The following DYNC1I1 variants were observed in gnomAD, a reference collection of about 807,000 sequenced individuals.
DYNC1I1 encodes cytoplasmic dynein 1 intermediate chain 1.
Under a neutral mutation model 86.6 loss-of-function variants are expected in DYNC1I1, and 43 were observed. That is an observed-to-expected ratio of 0.50 (90% CI 0.39 to 0.64). The LOEUF is 0.64. Among genes scored for constraint, DYNC1I1 ranks in the 30% least tolerant of loss-of-function variants. The pLI is 0.00. For synonymous variants in DYNC1I1, 262 were observed against 283.7 expected, an observed-to-expected ratio of 0.92 and a Z score of 0.77; for missense variants, 604 against 788.8, an observed-to-expected ratio of 0.77 and a Z score of 2.81.
At chr7:95,837,276 G>C (rs1352518814) in intron 5 of DYNC1I1, among the ~76,000 whole-genome samples, 17 of 152,130 alleles carry the variant, frequency 1.1e-4, no homozygotes, top group African/African-American at 4.1e-4. Context: ...CAGTTAGGCT[G>C]CTCGGGGGTC....
chr7:96,098,931 A>G (rs1016581333), downstream of DYNC1I1, among the ~76,000 whole-genome samples: 1 of 152,202 alleles, frequency 6.6e-6, no homozygotes, highest in African/African-American at 2.4e-5. Context: ...CTTTGTTGGT[A>G]GGGATTCCTT....
chr7:95,803,737 C>T (rs896679228), intron 1 of DYNC1I1, among the ~76,000 whole-genome samples: 5 of 152,080 alleles, frequency 3.3e-5, no homozygotes, highest in African/African-American at 7.2e-5. Flanking sequence ...ATGACATTTA[C>T]GGTTAGTCAA....
Position 96,069,561 on chromosome 7 carries a change from A to G in DYNC1I1, c.1510-6496A>G, listed in dbSNP as rs192005428. On this transcript the variant is annotated intron_variant, in intron 14 of 16. Coordinates refer to ENST00000447467, the MANE Select transcript of DYNC1I1 (RefSeq NM_001135556.2). ...CAATGGTTCTATATAGATTTGTGCT[A>G]TTAAAACGCCAGTTTTGAATGAGAA... Among the ~76,000 whole-genome samples the G allele has an allele frequency of 3.1e-4, 47 of 152,320 alleles. No individual in the cohort carries two copies. In the East Asian group the frequency reaches 8.7e-3, roughly 28 times the overall value.
intron 5 of DYNC1I1, among the ~76,000 whole-genome samples, chr7:95,834,469 A>G (rs1166449852): frequency 4.7e-4 from 46 of 98,924 alleles, no homozygotes; most frequent in East Asian, 6.9e-4. Context: ...TTGGTATCAG[A>G]ATGATGCTGG....
intron 6 of DYNC1I1, among the ~76,000 whole-genome samples, chr7:95,913,941 CT>C (rs1193420605): frequency 6.6e-6 from 1 of 152,254 alleles, no homozygotes; most frequent in Admixed American, 6.5e-5. Context: ...TTACAACACA[CT>C]TGTGACCCCT....
chr7:96,049,117 G>C (rs986680099), intron 14 of DYNC1I1, among the ~76,000 whole-genome samples: 13 of 152,000 alleles, frequency 8.6e-5, no homozygotes, highest in African/African-American at 3.1e-4. Flanking sequence ...AATTAGCTGG[G>C]CATGGTGGCG....
At chr7:96,026,780 T>C (rs1248986295) in intron 10 of DYNC1I1, among the ~76,000 whole-genome samples, 1 of 152,172 alleles carries the variant, frequency 6.6e-6, no homozygotes, top group Non-Finnish European at 1.5e-5. Context: ...ATTCATCCTC[T>C]TCCATGAGTT....
At chr7:95,956,320 A>G (rs1468824139) in intron 6 of DYNC1I1, among the ~76,000 whole-genome samples, 2 of 151,162 alleles carry the variant, frequency 1.3e-5, no homozygotes, top group African/African-American at 4.9e-5. Flanking sequence ...GTACTTAGCC[A>G]CCTTTGCTAT....
At chr7:95,893,899 G>T (rs935823664) in intron 6 of DYNC1I1, among the ~76,000 whole-genome samples, 1 of 152,140 alleles carries the variant, frequency 6.6e-6, no homozygotes, top group African/African-American at 2.4e-5. Context: ...AATTGGGTTT[G>T]GAATCTCTTT....
At chr7:95,968,828 G>C (rs1228720785) in intron 6 of DYNC1I1, among the ~76,000 whole-genome samples, 4 of 59,298 alleles carry the variant, frequency 6.7e-5, no homozygotes, top group East Asian at 5.0e-4. Flanking sequence ...TTTGCTCTGT[G>C]TGTGTGTGTG....
chr7:95,844,826 C>G (rs1053803017), intron 5 of DYNC1I1, among the ~76,000 whole-genome samples: 1 of 152,088 alleles, frequency 6.6e-6, no homozygotes, highest in Non-Finnish European at 1.5e-5. Flanking sequence ...ATTGGGGAAG[C>G]TGCAAATCTT....
intron 10 of DYNC1I1, among the ~76,000 whole-genome samples, chr7:96,010,226 G>A (rs145030224): frequency 2.8e-4 from 43 of 152,264 alleles, no homozygotes; most frequent in Middle Eastern, 6.8e-3. Context: ...TAACTAGTGC[G>A]TGGTTGACCC....
At chr7:95,826,491 AT>A (rs1322249436) in intron 4 of DYNC1I1, among the ~76,000 whole-genome samples, 3 of 152,184 alleles carry the variant, frequency 2.0e-5, no homozygotes, top group Admixed American at 2.0e-4. Context: ...CCAGCAAAAT[AT>A]TCATTCATTC....
chr7:95,895,234 G>A (rs531961929), intron 6 of DYNC1I1, among the ~76,000 whole-genome samples: 3 of 152,132 alleles, frequency 2.0e-5, no homozygotes, highest in Non-Finnish European at 2.9e-5. Flanking sequence ...GTCACAATCC[G>A]ATGGAGTATA....
intron 6 of DYNC1I1, among the ~76,000 whole-genome samples, chr7:95,933,296 CAAAGA>C (rs535586194): frequency 2.0e-5 from 3 of 152,144 alleles, no homozygotes; most frequent in Non-Finnish European, 4.4e-5. Context: ...GCAACCACAG[CAAAGA>C]AGAGTCCAAA....
intron 7 of DYNC1I1, among the ~76,000 whole-genome samples, chr7:95,983,598 C>G (rs1000557010): frequency 3.3e-5 from 5 of 152,166 alleles, no homozygotes; most frequent in Admixed American, 1.3e-4. Context: ...CTTCTTGACA[C>G]TACAGATTTC....
At chr7:96,003,943 G>A (rs1260512240) in intron 10 of DYNC1I1, among the ~76,000 whole-genome samples, 1 of 152,140 alleles carries the variant, frequency 6.6e-6, no homozygotes, top group East Asian at 1.9e-4. Flanking sequence ...TTGGATGAAT[G>A]GGGCTTTTTG....
At chr7:96,002,717 T>A (rs1794041445) in intron 10 of DYNC1I1, among the ~76,000 whole-genome samples, 1 of 151,954 alleles carries the variant, frequency 6.6e-6, no homozygotes, top group African/African-American at 2.4e-5. Flanking sequence ...TCCAGGGAGG[T>A]ACCAATTCAT....
intron 1 of DYNC1I1, among the ~76,000 whole-genome samples, chr7:95,793,106 A>AGGACGTAT (rs1322593270): frequency 6.6e-6 from 1 of 152,128 alleles, no homozygotes; most frequent in Non-Finnish European, 1.5e-5. Flanking sequence ...TATTGCGTGG[A>AGGACGTAT]GGACGTATCA....
Sources: gnomAD v4.1 joint callset for allele counts (sites outside exome capture counted in the v4.1 genomes callset) on GRCh38, gnomAD v4.1.1 for gene constraint, MANE v1.5 for transcripts, NCBI Gene and HGNC (gene_info 2026-07-23, HGNC 2026-07-21) for gene names.